The following RSPH6A variants were observed in gnomAD, a reference collection of about 807,000 sequenced individuals.
RSPH6A encodes radial spoke head protein 6 homolog A.
In RSPH6A, 49 loss-of-function variants were observed where a neutral mutation model predicts 66.1. That is an observed-to-expected ratio of 0.74 (90% CI 0.59 to 0.94). RSPH6A has a LOEUF of 0.94. Among genes scored for constraint, RSPH6A ranks in the 40% least tolerant of loss-of-function variants. The probability of loss-of-function intolerance (pLI) is 0.00; values close to 1 mark genes in which losing one functional copy is unlikely to be tolerated. For synonymous variants in RSPH6A, 419 were observed against 402.4 expected (o/e 1.04, Z -0.49); for missense variants, 977 against 948.3 (o/e 1.03, Z -0.40).
chr19:45,814,550 G>GCA lies in RSPH6A; in HGVS notation c.626_627insTG (p.Ser210AlafsTer14), dbSNP rs1970675833. The GCA allele has an allele frequency of 2.0e-6, 3 of 1,520,356 alleles. No individual in the cohort carries two copies. Among genetic ancestry groups the GCA allele is most frequent in the Non-Finnish European group, 2.6e-6 (3 of 1,133,824 alleles). The allele number at this position is 1,520,356 out of a possible 1,614,324, so 94.2% of individuals were successfully genotyped here. Reference sequence around the variant, plus strand: ...ACAGGCTGAGGTCGCAATTGATGCTGGTCTGCAGCAGGTAGGCCTTGGCGT... The same window carrying GCA: ...ACAGGCTGAGGTCGCAATTGATGCTGCAGTCTGCAGCAGGTAGGCCTTGGCGT... On this transcript the variant is annotated frameshift_variant, in exon 1 of 6. Coordinates refer to ENST00000221538, the MANE Select transcript of RSPH6A (RefSeq NM_030785.4). LOFTEE classifies it high-confidence loss of function.
At position 45,804,213 on chromosome 19, in the gene RSPH6A, C is replaced by A; in HGVS notation, c.1653+39G>T. The A allele has an allele frequency of 1.3e-6, 2 of 1,542,300 alleles. No individual in the cohort carries two copies. The highest frequency in any genetic ancestry group is 8.8e-7 in the Non-Finnish European group (1 of 1,130,432). ...TGCAGGGTCATGCGTGAGCCCCCTG[C>A]TCCTGCCGTTTGTGAGAGGCGGGAG... On this transcript the variant is annotated intron_variant, in intron 3 of 5. Coordinates refer to ENST00000221538, the MANE Select transcript of RSPH6A (RefSeq NM_030785.4). This position sits in a 1 kb window ranked among gnomAD's most constrained non-coding sequence, Gnocchi z 5.8.
chr19:45,804,365 C>T lies in RSPH6A; in HGVS notation c.1540G>A (p.Gly514Ser). The stretch of plus-strand genomic sequence containing the variant: ...TCCTCGTAGGAGTCGCGCCCAGCAC[C>T]ACCTTCCTCCTCCTCGTCGCCCTCC... ...EEEGDEEEEG[G>S]AGRDSYEENP... Residue 514 changes from glycine (G) to serine (S), a missense_variant, in exon 3 of 6, where the codon GGT (glycine) becomes AGT (serine). Transcript: ENST00000221538. The surrounding 1 kb of genome is among the most constrained non-coding windows in gnomAD (Gnocchi z 5.8). 1 of 1,614,212 alleles carries T rather than the reference C, an allele frequency of 6.2e-7. No homozygotes were observed. Among genetic ancestry groups the T allele is most frequent in the Non-Finnish European group, 8.5e-7 (1 of 1,180,038 alleles).
intron 3 of RSPH6A, among the ~76,000 whole-genome samples, chr19:45,803,200 C>T (rs1251762938): frequency 1.5e-5 from 2 of 134,824 alleles, no homozygotes; most frequent in Non-Finnish European, 3.2e-5. Context: ...TAGAGCGAGA[C>T]TCCGTCTCAG....
chr19:45,808,462 G>C (rs539658865), intron 2 of RSPH6A, among the ~76,000 whole-genome samples: 12 of 147,306 alleles, frequency 8.1e-5, no homozygotes, highest in African/African-American at 3.0e-4. Flanking sequence ...GCATGGTGGC[G>C]GGCACCTGTA....
Position 45,802,260 on chromosome 19 carries a change from C to T in RSPH6A, c.1658G>A (p.Arg553His), listed in dbSNP as rs1013314608. 5.7e-6 allele frequency: 8 copies of T among 1,410,876 alleles called. No individual in the cohort carries two copies. Among genetic ancestry groups the T allele is most frequent in the East Asian group, 2.8e-5 (1 of 35,346 alleles). The allele number at this position is 1,410,876 out of a possible 1,614,324, so 87.4% of individuals were successfully genotyped here. ...CTGCAAAGGGTTCACCCAAGTGCAGCGGCCCTGGGGGTGGGGGGAAGCTCA... is the reference window on the plus strand; with the variant it reads ...CTGCAAAGGGTTCACCCAAGTGCAGTGGCCCTGGGGGTGGGGGGAAGCTCA... ...HHTQHILPQG[R>H]CTWVNPLQKT... Residue 553 changes from arginine to histidine, a missense_variant, in exon 4 of 6, where the codon CGC becomes CAC. Coordinates refer to ENST00000221538, the MANE Select transcript of RSPH6A (RefSeq NM_030785.4).
At position 45,810,717 on chromosome 19, in the gene RSPH6A, C is replaced by T. The variant is rs779983390; in HGVS notation, c.774G>A (p.Thr258=). 35 of 1,613,988 alleles carry T rather than the reference C, an allele frequency of 2.2e-5. No homozygotes were observed. The highest frequency in any genetic ancestry group is 1.0e-4 in the Admixed American group (6 of 59,996). The change falls in exon 2 of 6, where the codon ACG becomes ACA. Residue 258 remains threonine, a synonymous_variant. Transcript: ENST00000221538. ...GCTGCATCTCGGGGTCGTCCCGCAG[C>T]GTGTCCAGCTTGGGGTGGAACCACT... The part of the protein sequence containing the change: ...QWEWFHPKLD[T]LRDDPEMQPT...
At chr19:45,800,601 A>G in intron 4 of RSPH6A, 38 bp from the exon 5 acceptor site, 1 of 1,561,146 alleles carries the variant, frequency 6.4e-7, no homozygotes. Context: ...CAGCAGGGTC[A>G]GGGAGGCCCC....
chr19:45,802,270 G>T lies in RSPH6A; in HGVS notation c.1654-6C>A. ...TTCACCCAAGTGCAGCGGCCCTGGG[G>T]GTGGGGGGAAGCTCAGGTGATGGCC... On this transcript the variant is annotated splice_region_variant and splice_polypyrimidine_tract_variant and intron_variant, in intron 3 of 5. Transcript: ENST00000221538. 1.5e-6 allele frequency: 2 copies of T among 1,377,696 alleles called. No homozygotes were observed. The highest frequency in any genetic ancestry group is 2.9e-5 in the East Asian group (1 of 34,778). 85.3% of individuals were successfully genotyped at this position (1,377,696 alleles called of 1,614,324 possible).
intron 2 of RSPH6A, among the ~76,000 whole-genome samples, chr19:45,807,668 G>A (rs1404296760): frequency 6.6e-6 from 1 of 151,876 alleles, no homozygotes; most frequent in Non-Finnish European, 1.5e-5. Context: ...ACACCACCAC[G>A]CCAGGCTAAT....
At chr19:45,796,187 G>T in intron 5 of RSPH6A, 81 bp from the exon 6 acceptor site, 1 of 1,101,350 alleles carries the variant, frequency 9.1e-7, no homozygotes, top group South Asian at 1.6e-5. Context: ...TTGAGATGGA[G>T]TCTTACTCTG....
Position 45,815,302 on chromosome 19 carries a change from G to C in RSPH6A, c.-126C>G. Reference sequence around the variant, plus strand: ...GGGGGCCGTTACCCGTGGAGGGCGCGGGGAGCGGGCCAGGGTGGGTTCCGC... The same window carrying C: ...GGGGGCCGTTACCCGTGGAGGGCGCCGGGAGCGGGCCAGGGTGGGTTCCGC... On this transcript the variant is annotated 5_prime_UTR_variant, in exon 1 of 6. Coordinates refer to ENST00000221538, the MANE Select transcript of RSPH6A (RefSeq NM_030785.4). The C allele has an allele frequency of 5.9e-6, 7 of 1,190,614 alleles. No individual in the cohort carries two copies. In the South Asian group the frequency reaches 6.4e-5, roughly 11 times the overall value. The allele number at this position is 1,190,614 out of a possible 1,614,324, so 73.8% of individuals were successfully genotyped here.
At chr19:45,814,078 G>C (rs898743437) in intron 1 of RSPH6A, among the ~76,000 whole-genome samples, 4 of 152,144 alleles carry the variant, frequency 2.6e-5, no homozygotes, top group Admixed American at 2.6e-4. Context: ...AGAATCACTT[G>C]AACTTGGGAA....
In RSPH6A at chr19:45,815,068, C is replaced by T; in HGVS notation, c.109G>A (p.Ala37Thr). 6.2e-7 allele frequency: 1 copy of T among 1,613,530 alleles called. No homozygotes were observed. The highest frequency in any genetic ancestry group is 8.5e-7 in the Non-Finnish European group (1 of 1,180,026). The change falls in exon 1 of 6, where the codon GCA (alanine) becomes ACA (threonine). Residue 37 changes from alanine (A) to threonine (T), a missense_variant. Physicochemically the swap from Ala to Thr is moderately conservative, Grantham distance 58 (BLOSUM62 0). Coordinates refer to ENST00000221538, the MANE Select transcript of RSPH6A (RefSeq NM_030785.4). ...TGCTGCCTCTCCTCGGGGTCCGCTG[C>T]CAGGGCCTGAGCTTGGTCCCGACTG... ...RHSRDQAQAL[A>T]ADPEERQQIP...
intron 1 of RSPH6A, among the ~76,000 whole-genome samples, chr19:45,813,220 G>A (rs1430405142): frequency 6.6e-6 from 1 of 152,114 alleles, no homozygotes; most frequent in Non-Finnish European, 1.5e-5. Context: ...AAGCCTCAGA[G>A]CCTTTGCATT....
At chr19:45,806,926 G>T (rs1970551664) in intron 2 of RSPH6A, among the ~76,000 whole-genome samples, 1 of 151,412 alleles carries the variant, frequency 6.6e-6, no homozygotes, top group Non-Finnish European at 1.5e-5. Context: ...ACAGAGTCTT[G>T]CTCTGTCACC....
rs576206235 is a variant in RSPH6A at position 45,810,712 on chromosome 19, C to T, written c.779G>A (p.Arg260Gln). 20 of 1,614,126 alleles carry T rather than the reference C, an allele frequency of 1.2e-5. No homozygotes were observed. Among genetic ancestry groups the T allele is most frequent in the South Asian group, 2.2e-5 (2 of 91,068 alleles). ...EWFHPKLDTL[R>Q]DDPEMQPTYK... The stretch of plus-strand genomic sequence containing the variant: ...GGTGGGCTGCATCTCGGGGTCGTCC[C>T]GCAGCGTGTCCAGCTTGGGGTGGAA... The change falls in exon 2 of 6, where the codon CGG (arginine) becomes CAG (glutamine). Residue 260 changes from arginine to glutamine, a missense_variant. Physicochemically the swap from Arg to Gln is conservative, Grantham distance 43. Coordinates refer to ENST00000221538, the MANE Select transcript of RSPH6A (RefSeq NM_030785.4).
chr19:45,802,266 T>C lies in RSPH6A; in HGVS notation c.1654-2A>G, dbSNP rs1970483092. 2 of 1,381,498 alleles carry C rather than the reference T, an allele frequency of 1.4e-6. No homozygotes were observed. The highest frequency in any genetic ancestry group is 3.6e-5 in the South Asian group (2 of 54,960). The allele number at this position is 1,381,498 out of a possible 1,614,324, so 85.6% of individuals were successfully genotyped here. ...AGGGTTCACCCAAGTGCAGCGGCCCTGGGGGTGGGGGGAAGCTCAGGTGAT... is the reference window on the plus strand; with the variant it reads ...AGGGTTCACCCAAGTGCAGCGGCCCCGGGGGTGGGGGGAAGCTCAGGTGAT... On this transcript the variant is annotated splice_acceptor_variant, in intron 3 of 5. Coordinates refer to ENST00000221538, the MANE Select transcript of RSPH6A (RefSeq NM_030785.4). LOFTEE classifies it high-confidence loss of function.
At chr19:45,814,444 TCTGA>T (rs1251016530) in intron 1 of RSPH6A, 79 bp downstream of exon 1, 9 of 1,298,000 alleles carry the variant, frequency 6.9e-6, no homozygotes, top group African/African-American at 1.5e-5. Context: ...TGATCCCTTG[TCTGA>T]CTGACTGAGG....
Position 45,804,657 on chromosome 19 carries a change from C to T in RSPH6A, c.1248G>A (p.Lys416=), listed in dbSNP as rs1970517676. The T allele has an allele frequency of 1.2e-6, 2 of 1,614,030 alleles. No individual in the cohort carries two copies. The highest frequency in any genetic ancestry group is 1.7e-6 in the Non-Finnish European group (2 of 1,180,040). The change falls in exon 3 of 6, where the codon AAG becomes AAA. Residue 416 remains lysine, a synonymous_variant. Coordinates refer to ENST00000221538, the MANE Select transcript of RSPH6A (RefSeq NM_030785.4). The surrounding 1 kb of genome is among the most constrained non-coding windows in gnomAD (Gnocchi z 5.8). The stretch of plus-strand genomic sequence containing the variant: ...TGTTGGCGCCTGAGCGGCTCTCCTC[C>T]TTGGGGATCACGGGCGGCGGCTTCC... ...SVWKPPPVIP[K]EESRSGANKY...
Sources: allele counts gnomAD v4.1 joint callset (sites outside exome capture counted in the v4.1 genomes callset), GRCh38; gene constraint gnomAD v4.1.1; non-coding constraint Gnocchi (gnomAD v3.1); transcripts MANE v1.5; gene names NCBI Gene and HGNC (gene_info 2026-07-23, HGNC 2026-07-21).